The following PHF12 variants were observed in gnomAD, a reference collection of about 807,000 sequenced individuals.
PHF12 encodes PHD factor 1.
In PHF12, 6 loss-of-function variants were observed where a neutral mutation model predicts 99.8. That is an observed-to-expected ratio of 0.06 (90% CI 0.03 to 0.12). The LOEUF is 0.12. Ranked by LOEUF, PHF12 falls within the 10% of genes least tolerant of loss-of-function variation. PHF12 has a pLI of 1.00. For synonymous variants in PHF12, 480 were observed against 514.9 expected (o/e 0.93, Z 0.92); for missense variants, 954 against 1,300.1 (o/e 0.73, Z 4.09).
intron 3 of PHF12, 85 bp downstream of exon 3, chr17:28,926,906 C>T (rs770920931): frequency 4.4e-6 from 7 of 1,605,798 alleles, no homozygotes; most frequent in African/African-American, 1.3e-5. Flanking sequence ...ACAAGAATGC[C>T]TTCAGGGCTA....
intron 2 of PHF12, chr17:28,944,497 C>T: frequency 1.0e-6 from 1 of 983,732 alleles, no homozygotes; most frequent in Non-Finnish European, 1.2e-6. Flanking sequence ...TAAAATTGAA[C>T]ATTACCGTAT....
chr17:28,922,009 A>G (rs2152665317), intron 4 of PHF12, among the ~76,000 whole-genome samples: 1 of 152,346 alleles, frequency 6.6e-6, no homozygotes, highest in East Asian at 1.9e-4. Context: ...ACTAATACGT[A>G]AGTCAGAACC....
chr17:28,912,843 T>C lies in PHF12; in HGVS notation c.1728A>G (p.Ser576=), dbSNP rs2039989161. 1 of 1,608,446 alleles carries C rather than the reference T, an allele frequency of 6.2e-7. No homozygotes were observed. The highest frequency in any genetic ancestry group is 8.5e-7 in the Non-Finnish European group (1 of 1,176,258). ...GGGGCCGGGGCCAGCCTTGCCGGTG[T>C]GAGAGGCCTGGTAGTGGGGTGTTAG... The part of the protein sequence containing the change: ...PGANTPLPGL[S]HRQGWPRPLT... Residue 576 remains serine (S), a synonymous_variant, in exon 9 of 15, where the codon TCA becomes TCG. Coordinates refer to ENST00000332830, the MANE Select transcript of PHF12 (RefSeq NM_001033561.2).
chr17:28,931,818 G>A lies in PHF12; in HGVS notation c.249-4755C>T, dbSNP rs184062263. On this transcript the variant is annotated intron_variant, in intron 2 of 14. Coordinates refer to ENST00000332830, the MANE Select transcript of PHF12 (RefSeq NM_001033561.2). ...GCTGGTCTCGAACTCCTGACCTCAAGTAATCTGCCTACCTCGGCCTCCCAA... is the reference window on the plus strand; with the variant it reads ...GCTGGTCTCGAACTCCTGACCTCAAATAATCTGCCTACCTCGGCCTCCCAA... 9.7e-4 allele frequency among the ~76,000 whole-genome samples: 148 copies of A among 152,130 alleles called. 1 individual carries two copies. The highest frequency in any genetic ancestry group is 3.4e-3 in the African/African-American group (139 of 41,488).
chr17:28,923,002 C>T (rs2040192822), intron 4 of PHF12, among the ~76,000 whole-genome samples: 1 of 151,220 alleles, frequency 6.6e-6, no homozygotes. Flanking sequence ...ATTGCTTGAG[C>T]TGTGGTCACA....
intron 5 of PHF12, 59 bp downstream of exon 5, chr17:28,921,629 G>A (rs2040167647): frequency 1.7e-5 from 27 of 1,581,798 alleles, no homozygotes; most frequent in Non-Finnish European, 2.3e-5. Context: ...GAGGTGATGA[G>A]AGAAAAAGTA....
At chr17:28,913,354 C>G (rs1322725132) in intron 8 of PHF12, 77 bp from the exon 9 acceptor site, 1 of 1,525,130 alleles carries the variant, frequency 6.6e-7, no homozygotes, top group Admixed American at 2.1e-5. Flanking sequence ...GCCAGGGCTG[C>G]AGCAGAGCTG....
In PHF12 at chr17:28,951,492, G is replaced by A; in HGVS notation, c.-532C>T. 1.0e-6 allele frequency: 1 copy of A among 985,432 alleles called. No individual in the cohort carries two copies. The highest frequency in any genetic ancestry group is 1.2e-6 in the Non-Finnish European group (1 of 829,914). 61.0% of individuals were successfully genotyped at this position (985,432 alleles called of 1,614,324 possible). On this transcript the variant is annotated 5_prime_UTR_variant, in exon 1 of 15. Coordinates refer to ENST00000332830, the MANE Select transcript of PHF12 (RefSeq NM_001033561.2). ...CGCGAGCGCCCGCAAAGCCACCCGC[G>A]CAGGCGCCCCGGGATCGGCGCTCGC...
Position 28,951,352 on chromosome 17 carries a change from G to C in PHF12, c.-392C>G, listed in dbSNP as rs888104436. 9.8e-7 allele frequency: 1 copy of C among 1,016,248 alleles called. No individual in the cohort carries two copies. The highest frequency in any genetic ancestry group is 1.2e-6 in the Non-Finnish European group (1 of 848,060). 63.0% of individuals were successfully genotyped at this position (1,016,248 alleles called of 1,614,324 possible). On this transcript the variant is annotated 5_prime_UTR_variant, in exon 1 of 15. Coordinates refer to ENST00000332830, the MANE Select transcript of PHF12 (RefSeq NM_001033561.2). ...GGAGGGGGGGTGAGAGGTTACGTGA[G>C]GTTGTGGTACGTGAGGTGACTGGGG...
intron 8 of PHF12, 42 bp from the exon 9 acceptor site, chr17:28,913,319 G>A (rs779091014): frequency 6.4e-7 from 1 of 1,561,114 alleles, no homozygotes; most frequent in East Asian, 2.2e-5. Flanking sequence ...AAGCCTGAGA[G>A]GCGCCGGTCC....
rs1434718452 is a variant in PHF12, at chr17:28,912,953, G to A, written c.1618C>T (p.Pro540Ser). The A allele has an allele frequency of 1.9e-6, 3 of 1,614,254 alleles. No individual in the cohort carries two copies. Among genetic ancestry groups the A allele is most frequent in the South Asian group, 1.1e-5 (1 of 91,088 alleles). ...TTAGCTTTCACCTCTGTGTTCACTG[G>A]CCCATTGGCAGTCCCACAAGGGGTT... ...KKTPCGTANG[P>S]VNTEVKANGP... The change falls in exon 9 of 15, where the codon CCA becomes TCA. Residue 540 changes from proline to serine, a missense_variant. Coordinates refer to ENST00000332830, the MANE Select transcript of PHF12 (RefSeq NM_001033561.2).
chr17:28,943,559 G>C (rs1162904799), intron 2 of PHF12, among the ~76,000 whole-genome samples: 2 of 152,190 alleles, frequency 1.3e-5, no homozygotes, highest in African/African-American at 2.4e-5. Context: ...GAACCTGGGA[G>C]GTGGACGCTG....
In PHF12 at chr17:28,926,972, C is replaced by T. The variant is rs368975426; in HGVS notation, c.321+19G>A. On this transcript the variant is annotated intron_variant, in intron 3 of 14. Transcript: ENST00000332830. ...TGGATCAGGCTTTCTGGACAGTCTT[C>T]AGAAAGCAGCATTATTACCTTTCGG... The T allele has an allele frequency of 1.1e-4, 181 of 1,613,494 alleles. No homozygotes were observed. Among genetic ancestry groups the T allele is most frequent in the Non-Finnish European group, 1.5e-4 (174 of 1,179,532 alleles).
intron 10 of PHF12, 143 bp downstream of exon 10, chr17:28,910,969 A>AAGGAT: frequency 8.8e-7 from 1 of 1,132,544 alleles, no homozygotes; most frequent in East Asian, 2.8e-5. Flanking sequence ...CCCCATCCAA[A>AAGGAT]AGGATACTCC....
At chr17:28,914,701 A>AT in intron 7 of PHF12, among the ~76,000 whole-genome samples, 1 of 149,752 alleles carries the variant, frequency 6.7e-6, no homozygotes, top group Non-Finnish European at 1.5e-5. Flanking sequence ...AAAAAAAAAA[A>AT]ATGCTTGACA....
chr17:28,943,632 A>AAAAC (rs1396141219), intron 2 of PHF12, among the ~76,000 whole-genome samples: 18 of 146,140 alleles, frequency 1.2e-4, no homozygotes, highest in South Asian at 4.6e-4. Flanking sequence ...TCTGTCTCAA[A>AAAAC]AAATAAACAA....
intron 2 of PHF12, among the ~76,000 whole-genome samples, chr17:28,942,904 T>G (rs2040645822): frequency 6.6e-6 from 1 of 152,022 alleles, no homozygotes; most frequent in South Asian, 2.1e-4. Context: ...GAAGAATACT[T>G]GTAAATCATA....
chr17:28,912,372 A>G, intron 9 of PHF12, 110 bp downstream of exon 9: 1 of 1,440,900 alleles, frequency 6.9e-7, no homozygotes, highest in Non-Finnish European at 9.1e-7. Flanking sequence ...AACAATACAA[A>G]GGCCAAAGTC....
chr17:28,927,114 T>G, intron 2 of PHF12, 51 bp from the exon 3 acceptor site: 1 of 1,529,022 alleles, frequency 6.5e-7, no homozygotes, highest in Non-Finnish European at 9.0e-7. Flanking sequence ...TTTGAGGCAG[T>G]AGGAAAAGCC....
Sources: gnomAD v4.1 joint callset for allele counts (sites outside exome capture counted in the v4.1 genomes callset) on GRCh38, gnomAD v4.1.1 for gene constraint, MANE v1.5 for transcripts, NCBI Gene and HGNC (gene_info 2026-07-23, HGNC 2026-07-21) for gene names.